The following SGCZ variants were observed in gnomAD, a reference collection of about 807,000 sequenced individuals.
The protein encoded by SGCZ is sarcoglycan zeta.
Under a neutral mutation model 41.3 loss-of-function variants are expected in SGCZ, and 40 were observed. That is an observed-to-expected ratio of 0.97 (90% CI 0.75 to 1.26). SGCZ has a LOEUF of 1.26. Among genes scored for constraint, SGCZ ranks in the 50% most tolerant of loss-of-function variants. The pLI, the probability that SGCZ is intolerant of heterozygous loss-of-function variation, is 0.00. For synonymous variants in SGCZ, 206 were observed against 137.5 expected, an observed-to-expected ratio of 1.50 and a Z score of -3.49; for missense variants, 552 against 369.8, an observed-to-expected ratio of 1.49 and a Z score of -4.04.
chr8:14,521,562 C>T (rs10091067), intron 2 of SGCZ, among the ~76,000 whole-genome samples: 2,743 of 152,204 alleles, frequency 0.018, 51 homozygotes, highest in African/African-American at 0.044. Context: ...TATTGATAAA[C>T]ATTTGAGCTG....
At chr8:15,168,986 T>C (rs1799749039) in intron 1 of SGCZ, among the ~76,000 whole-genome samples, 1 of 152,200 alleles carries the variant, frequency 6.6e-6, no homozygotes, top group Admixed American at 6.5e-5. Context: ...GCCTGGGAAT[T>C]TATGAGCTGT....
At chr8:14,987,121 T>G (rs2130888168) in intron 1 of SGCZ, among the ~76,000 whole-genome samples, 1 of 152,050 alleles carries the variant, frequency 6.6e-6, no homozygotes, top group East Asian at 1.9e-4. Context: ...TATTTAAAAT[T>G]ACTATAATTA....
intron 2 of SGCZ, among the ~76,000 whole-genome samples, chr8:14,450,805 C>T (rs1462987183): frequency 1.3e-5 from 2 of 152,164 alleles, no homozygotes; most frequent in East Asian, 3.9e-4. Context: ...GAAGTACACA[C>T]TAAGGACAGA....
chr8:15,117,563 C>T (rs559767445), intron 1 of SGCZ, among the ~76,000 whole-genome samples: 2 of 152,102 alleles, frequency 1.3e-5, no homozygotes, highest in Non-Finnish European at 2.9e-5. Context: ...CAGGTCATAA[C>T]TTCTGAGCTC....
chr8:14,687,121 T>G (rs1380814931), intron 1 of SGCZ, among the ~76,000 whole-genome samples: 1 of 149,542 alleles, frequency 6.7e-6, no homozygotes, highest in African/African-American at 2.4e-5. Context: ...TTATGAAACC[T>G]TAACAACAGT....
chr8:15,220,386 G>C (rs956672903), intron 1 of SGCZ, among the ~76,000 whole-genome samples: 4 of 152,092 alleles, frequency 2.6e-5, no homozygotes, highest in Non-Finnish European at 4.4e-5. Flanking sequence ...CCACAACAAT[G>C]GCTCACTGGA....
intron 6 of SGCZ, among the ~76,000 whole-genome samples, chr8:14,104,276 G>A (rs1381335109): frequency 6.6e-6 from 1 of 152,110 alleles, no homozygotes; most frequent in African/African-American, 2.4e-5. Context: ...GTAAGTTTCA[G>A]ACTGGCTTTC....
chr8:14,402,108 G>A (rs1380974136), intron 2 of SGCZ, among the ~76,000 whole-genome samples: 2 of 152,058 alleles, frequency 1.3e-5, no homozygotes, highest in South Asian at 2.1e-4. Context: ...GTCTGTTCAT[G>A]TCCTTTGCCC....
chr8:14,198,458 G>C (rs1011400322), intron 4 of SGCZ, among the ~76,000 whole-genome samples: 1 of 152,120 alleles, frequency 6.6e-6, no homozygotes, highest in Non-Finnish European at 1.5e-5. Flanking sequence ...AGAAAGGAGA[G>C]AGCCAAGGGT....
chr8:14,124,019 T>C lies in SGCZ; in HGVS notation c.548-15784A>G, dbSNP rs1201886847. ...AAGAGCTAGAGTAATGATGAGGGTCTTTAGGAGCTGGAAAAGCAAAGGAAA... is the reference window on the plus strand; with the variant it reads ...AAGAGCTAGAGTAATGATGAGGGTCCTTAGGAGCTGGAAAAGCAAAGGAAA... On this transcript the variant is annotated intron_variant, in intron 5 of 7. Transcript: ENST00000382080. Among the ~76,000 whole-genome samples, 3 of 152,108 alleles carry C rather than the reference T, an allele frequency of 2.0e-5. No individual in the cohort carries two copies. In the South Asian group the frequency reaches 6.2e-4, roughly 31 times the overall value.
intron 1 of SGCZ, among the ~76,000 whole-genome samples, chr8:14,808,236 C>A (rs1801615704): frequency 6.6e-6 from 1 of 152,118 alleles, no homozygotes; most frequent in East Asian, 1.9e-4. Flanking sequence ...CAAATGGGAT[C>A]TAAGTAAACT....
At chr8:14,374,685 T>A (rs899477890) in intron 2 of SGCZ, among the ~76,000 whole-genome samples, 1 of 152,174 alleles carries the variant, frequency 6.6e-6, no homozygotes, top group Non-Finnish European at 1.5e-5. Flanking sequence ...GATAAGCTCA[T>A]TGGCTTGGGA....
intron 4 of SGCZ, among the ~76,000 whole-genome samples, chr8:14,200,514 T>C (rs1805419009): frequency 6.6e-6 from 1 of 152,074 alleles, no homozygotes; most frequent in Non-Finnish European, 1.5e-5. Context: ...AATCGACCAA[T>C]AGGATAAGGT....
At chr8:14,842,833 G>A (rs1483507170) in intron 1 of SGCZ, among the ~76,000 whole-genome samples, 2 of 152,168 alleles carry the variant, frequency 1.3e-5, no homozygotes, top group African/African-American at 4.8e-5. Flanking sequence ...GTTAAAGTTA[G>A]CATTGAAAAC....
chr8:14,102,397 A>C lies in SGCZ; in HGVS notation c.723T>G (p.His241Gln), dbSNP rs1162462447. 3.3e-6 allele frequency: 5 copies of C among 1,520,406 alleles called. No individual in the cohort carries two copies. In the African/African-American group the frequency reaches 4.1e-5, roughly 13 times the overall value. The allele number at this position is 1,520,406 out of a possible 1,614,324, so 94.2% of individuals were successfully genotyped here. A position where few individuals can be genotyped will look rare whatever the true frequency, so the allele number is the denominator to read the frequency against. Residue 241 changes from histidine to glutamine, a missense_variant, in exon 7 of 8, where the codon CAT (histidine) becomes CAG (glutamine). His to Gln is a conservative substitution (Grantham distance 24). Coordinates refer to ENST00000382080, the MANE Select transcript of SGCZ (RefSeq NM_139167.4). ...TCACCTCCCCTTCTGTAGATTGCAG[A>C]TGGAGCTCCTTCCTGCAGGTGGCCT... The part of the protein sequence containing the change: ...DFKATCRKEL[H>Q]LQSTEGEIFL...
chr8:14,938,122 G>A (rs867966006), intron 1 of SGCZ, among the ~76,000 whole-genome samples: 1 of 151,944 alleles, frequency 6.6e-6, no homozygotes, highest in Non-Finnish European at 1.5e-5. Flanking sequence ...GTTTTTTGGT[G>A]TTGTTCACTG....
intron 1 of SGCZ, among the ~76,000 whole-genome samples, chr8:15,095,282 A>G (rs1806303518): frequency 6.6e-6 from 1 of 152,100 alleles, no homozygotes; most frequent in African/African-American, 2.4e-5. Flanking sequence ...TATTTTTAGT[A>G]GAGATGGGGT....
rs567324454 is a variant in SGCZ, at chr8:14,812,239, CAATT to C, written c.40-257317_40-257314del. Reference sequence around the variant, plus strand: ...TTGGGAAAAATATTTACTTGTAAATCAATTTATTTTTTCCAACATTCACATTCAT... The same window carrying C: ...TTGGGAAAAATATTTACTTGTAAATCTATTTTTTCCAACATTCACATTCAT... On this transcript the variant is annotated intron_variant, in intron 1 of 7. Coordinates refer to ENST00000382080, the MANE Select transcript of SGCZ (RefSeq NM_139167.4). Among the ~76,000 whole-genome samples, 437 of 151,678 alleles carry C rather than the reference CAATT, an allele frequency of 2.9e-3. 3 individuals are homozygous for C. Among genetic ancestry groups the C allele is most frequent in the African/African-American group, 1.0e-2 (414 of 41,416 alleles).
At chr8:14,751,413 C>T (rs28430535) in intron 1 of SGCZ, among the ~76,000 whole-genome samples, 6 of 152,094 alleles carry the variant, frequency 3.9e-5, no homozygotes, top group African/African-American at 1.2e-4. Flanking sequence ...GACATCTTAT[C>T]TACCTTCTGA....
Sources: gnomAD v4.1 joint callset for allele counts (sites outside exome capture counted in the v4.1 genomes callset) on GRCh38, gnomAD v4.1.1 for gene constraint, MANE v1.5 for transcripts, NCBI Gene and HGNC (gene_info 2026-07-23, HGNC 2026-07-21) for gene names.